The following KLHL35 variants were observed in gnomAD, a reference collection of about 807,000 sequenced individuals.
KLHL35 encodes the protein kelch-like protein 35.
KLHL35 carries 50 observed loss-of-function variants against 44.0 expected under a neutral mutation model. The ratio of observed to expected loss-of-function variants is 1.14; its 90% CI spans 0.91 to 1.44. The LOEUF (loss-of-function observed/expected upper bound fraction) is 1.44. KLHL35 is among the 40% of genes most tolerant of loss of function. The probability of loss-of-function intolerance (pLI) is 0.00; values close to 1 mark genes in which losing one functional copy is unlikely to be tolerated. For synonymous variants in KLHL35, 470 were observed against 410.4 expected (o/e 1.15, Z -1.76); for missense variants, 1,049 against 887.8 (o/e 1.18, Z -2.31).
Position 75,430,615 on chromosome 11 carries a change from A to G in KLHL35, c.15T>C (p.His5=). 4.3e-6 allele frequency: 6 copies of G among 1,397,974 alleles called. No individual in the cohort carries two copies. Among genetic ancestry groups the G allele is most frequent in the Non-Finnish European group, 5.6e-6 (6 of 1,080,400 alleles). 86.6% of individuals were successfully genotyped at this position (1,397,974 alleles called of 1,614,324 possible). The change falls in exon 2 of 7, where the codon CAT becomes CAC. Residue 5 remains histidine, a synonymous_variant. Coordinates refer to ENST00000539798, the MANE Select transcript of KLHL35 (RefSeq NM_001039548.3). Reference sequence around the variant, plus strand: ...AGCCCGGCTCCGACTCCTCCGGCGCATGGCCTTGCCGCATCCTGCCGGGGA... The same window carrying G: ...AGCCCGGCTCCGACTCCTCCGGCGCGTGGCCTTGCCGCATCCTGCCGGGGA... MRQG[H]APEESEPGCE...
At chr11:75,422,802 C>G in intron 6 of KLHL35, 34 bp from the exon 7 acceptor site, 1 of 1,595,376 alleles carries the variant, frequency 6.3e-7, no homozygotes, top group Non-Finnish European at 8.6e-7. Flanking sequence ...ACTATCAGGT[C>G]CAGCCTGGGG....
Position 75,430,631 on chromosome 11 carries a change from C to T in KLHL35, c.-1-1G>A. 7.3e-7 allele frequency: 1 copy of T among 1,378,838 alleles called. No individual in the cohort carries two copies. Among genetic ancestry groups the T allele is most frequent in the South Asian group, 1.6e-5 (1 of 62,808 alleles). 85.4% of individuals were successfully genotyped at this position (1,378,838 alleles called of 1,614,324 possible). ...CTCCGGCGCATGGCCTTGCCGCATC[C>T]TGCCGGGGAGAGAACACAAACAGCG... On this transcript the variant is annotated splice_acceptor_variant, in intron 1 of 6. Transcript: ENST00000539798. LOFTEE classifies it low-confidence loss of function (5UTR_SPLICE).
chr11:75,425,957 C>CA, intron 4 of KLHL35: 1 of 153,424 alleles, frequency 6.5e-6, no homozygotes, highest in African/African-American at 2.5e-5. Flanking sequence ...AGATAATTGA[C>CA]TTTTTTTTTT....
chr11:75,425,365 C>T, intron 5 of KLHL35, 28 bp downstream of exon 5: 1 of 1,511,030 alleles, frequency 6.6e-7, no homozygotes, highest in African/African-American at 1.4e-5. Context: ...GCCTTCAACG[C>T]CCTCTCGCGC....
rs761444824 is a variant in KLHL35, at chr11:75,430,626, G to A, written c.4C>T (p.Arg2Trp). 2.2e-6 allele frequency: 3 copies of A among 1,382,424 alleles called. No individual in the cohort carries two copies. Among genetic ancestry groups the A allele is most frequent in the South Asian group, 3.2e-5 (2 of 63,202 alleles). 85.6% of individuals were successfully genotyped at this position (1,382,424 alleles called of 1,614,324 possible). A position where few individuals can be genotyped will look rare whatever the true frequency, so the allele number is the denominator to read the frequency against. Residue 2 changes from arginine to tryptophan, a missense_variant, in exon 2 of 7, where the codon CGG becomes TGG. Coordinates refer to ENST00000539798, the MANE Select transcript of KLHL35 (RefSeq NM_001039548.3). Reference sequence around the variant, plus strand: ...GACTCCTCCGGCGCATGGCCTTGCCGCATCCTGCCGGGGAGAGAACACAAA... The same window carrying A: ...GACTCCTCCGGCGCATGGCCTTGCCACATCCTGCCGGGGAGAGAACACAAA... M[R>W]QGHAPEESEP...
At chr11:75,422,835 A>G in intron 6 of KLHL35, 67 bp from the exon 7 acceptor site, 1 of 1,455,546 alleles carries the variant, frequency 6.9e-7, no homozygotes, top group Non-Finnish European at 9.5e-7. Flanking sequence ...CTGCCTGGCC[A>G]GGCCAGATAA....
rs1948524825 is a variant in KLHL35, at chr11:75,430,268, T to C, written c.362A>G (p.Asp121Gly). 2.5e-6 allele frequency: 3 copies of C among 1,204,126 alleles called. No individual in the cohort carries two copies. In the African/African-American group the frequency reaches 4.9e-5, roughly 20 times the overall value. The allele number at this position is 1,204,126 out of a possible 1,614,324, so 74.6% of individuals were successfully genotyped here. ...CAGCGCCAGCACGGCCGCCGCCTCG[T>C]CCTCCGCGCGCAGCCGCACGCCCGC... ...YGAGVRLRAE[D>G]EAAAVLALAE... is the part of the protein sequence containing the mutation. Residue 121 changes from aspartate (D) to glycine (G), a missense_variant, in exon 2 of 7, where the codon GAC (aspartate) becomes GGC (glycine). Coordinates refer to ENST00000539798, the MANE Select transcript of KLHL35 (RefSeq NM_001039548.3).
intron 1 of KLHL35, among the ~76,000 whole-genome samples, 154 bp downstream of exon 1, chr11:75,432,889 C>T (rs572067262): frequency 1.2e-4 from 18 of 152,318 alleles, no homozygotes; most frequent in African/African-American, 3.6e-4. Flanking sequence ...GAAGCTGACT[C>T]GAACATGCCA....
At position 75,425,401 on chromosome 11, in the gene KLHL35, T is replaced by G; in HGVS notation, c.1366A>C (p.Thr456Pro). 6.4e-7 allele frequency: 1 copy of G among 1,553,298 alleles called. No homozygotes were observed. Among genetic ancestry groups the G allele is most frequent in the Non-Finnish European group, 8.6e-7 (1 of 1,156,696 alleles). The change falls in exon 5 of 7, where the codon ACG becomes CCG. Residue 456 changes from threonine (T) to proline (P), a missense_variant. By Grantham distance (38) the Thr-to-Pro change is conservative. Coordinates refer to ENST00000539798, the MANE Select transcript of KLHL35 (RefSeq NM_001039548.3). ...IGGARQGGVN[T>P]DKVQCFDPKE... ...CTGAGGCCCACGCCCACCTTGTCCG[T>G]GTTGACGCCGCCCTGCCTGGCGCCC...
rs1378685526 is a variant in KLHL35, at chr11:75,430,486, G to C, written c.144C>G (p.Gly48=). The stretch of plus-strand genomic sequence containing the variant: ...CGCGGTGGCACGGAAAGTCGCGCCC[G>C]CCGGCGCGCAGCACCACGTCGGTGA... The part of the protein sequence containing the change: ...GTLTDVVLRA[G]GRDFPCHRAA... The change falls in exon 2 of 7, where the codon GGC becomes GGG. Residue 48 remains glycine, a synonymous_variant. Coordinates refer to ENST00000539798, the MANE Select transcript of KLHL35 (RefSeq NM_001039548.3). The C allele has an allele frequency of 1.4e-6, 2 of 1,405,996 alleles. No individual in the cohort carries two copies. The highest frequency in any genetic ancestry group is 3.1e-5 in the Admixed American group (1 of 32,348). The allele number at this position is 1,405,996 out of a possible 1,614,324, so 87.1% of individuals were successfully genotyped here.
rs1948520765 is a variant in KLHL35 at position 75,430,001 on chromosome 11, A to G, written c.629T>C (p.Val210Ala). The change falls in exon 2 of 7, where the codon GTG becomes GCG. Residue 210 changes from valine to alanine, a missense_variant. By Grantham distance (64) the Val-to-Ala change is moderately conservative (BLOSUM62 0). Coordinates refer to ENST00000539798, the MANE Select transcript of KLHL35 (RefSeq NM_001039548.3). Reference sequence around the variant, plus strand: ...TTCAAACACGGCCTCCTCGCGCGCCACGCCCAGCGCGGGGTCCGCCAGCAG... The same window carrying G: ...TTCAAACACGGCCTCCTCGCGCGCCGCGCCCAGCGCGGGGTCCGCCAGCAG... ...VALLADPALG[V>A]AREEAVFEAA... 5 of 1,416,112 alleles carry G rather than the reference A, an allele frequency of 3.5e-6. No homozygotes were observed. The highest frequency in any genetic ancestry group is 4.6e-6 in the Non-Finnish European group (5 of 1,089,254). The allele number at this position is 1,416,112 out of a possible 1,614,324, so 87.7% of individuals were successfully genotyped here.
In KLHL35 at chr11:75,422,586, GC is replaced by G; in HGVS notation, c.1745del (p.Gly582AlafsTer37). 6.2e-7 allele frequency: 1 copy of G among 1,611,470 alleles called. No individual in the cohort carries two copies. The highest frequency in any genetic ancestry group is 8.5e-7 in the Non-Finnish European group (1 of 1,178,072). ...HGCVTIIQSLGR is the reference protein window; with the variant it reads ...HGCVTIIQSLXR ...CAGGCTGTCCAAATCTGAATCACCT[GC>G]CCAAGCTCTGGATGATGGTGACACA... On this transcript the variant is annotated frameshift_variant, in exon 7 of 7. Coordinates refer to ENST00000539798, the MANE Select transcript of KLHL35 (RefSeq NM_001039548.3). LOFTEE classifies it high-confidence loss of function.
intron 3 of KLHL35, 139 bp from the exon 4 acceptor site, chr11:75,426,777 A>G: frequency 1.8e-6 from 1 of 564,760 alleles, no homozygotes; most frequent in African/African-American, 1.9e-5. Flanking sequence ...CTGGTGTAAG[A>G]CTCTGGACCT....
chr11:75,430,093 A>T lies in KLHL35; in HGVS notation c.537T>A (p.Arg179=). The change falls in exon 2 of 7, where the codon CGT becomes CGA. Residue 179 remains arginine (R), a synonymous_variant. Transcript: ENST00000539798. The part of the protein sequence containing the change: ...PLAERCGRVL[R]QAFAEVARHA... ...GGCGCGCCACCTCGGCGAAGGCCTG[A>T]CGCAGGACGCGGCCGCAGCGCTCGG... The T allele has an allele frequency of 7.4e-7, 1 of 1,345,392 alleles. No individual in the cohort carries two copies. The highest frequency in any genetic ancestry group is 9.5e-7 in the Non-Finnish European group (1 of 1,051,912). The allele number at this position is 1,345,392 out of a possible 1,614,324, so 83.3% of individuals were successfully genotyped here. A position where few individuals can be genotyped will look rare whatever the true frequency, so the allele number is the denominator to read the frequency against.
chr11:75,426,725 CA>C, intron 3 of KLHL35, 87 bp from the exon 4 acceptor site: 1 of 860,836 alleles, frequency 1.2e-6, no homozygotes, highest in East Asian at 2.7e-5. Context: ...CCCCCAGATC[CA>C]AAGGAAGGGT....
In KLHL35 at chr11:75,426,512, G is replaced by C; in HGVS notation, c.1185+8C>G. The stretch of plus-strand genomic sequence containing the variant: ...TGTCCCAGGGCAGCCGCTGCAGCTC[G>C]TGCCTACCTGCCCCTGCACAACTGC... On this transcript the variant is annotated splice_region_variant and intron_variant, in intron 4 of 6. Coordinates refer to ENST00000539798, the MANE Select transcript of KLHL35 (RefSeq NM_001039548.3). 4 of 1,568,256 alleles carry C rather than the reference G, an allele frequency of 2.6e-6. No homozygotes were observed. Among genetic ancestry groups the C allele is most frequent in the Non-Finnish European group, 2.6e-6 (3 of 1,154,044 alleles).
At chr11:75,427,078 C>T (rs141189019) in intron 3 of KLHL35, among the ~76,000 whole-genome samples, 1 of 152,312 alleles carries the variant, frequency 6.6e-6, no homozygotes, top group East Asian at 1.9e-4. Flanking sequence ...ATAACCCTCC[C>T]TCCCTTCTGC....
At chr11:75,426,425 C>T (rs1198637366) in intron 4 of KLHL35, 95 bp downstream of exon 4, 1 of 792,216 alleles carries the variant, frequency 1.3e-6, no homozygotes, top group Non-Finnish European at 2.0e-6. Flanking sequence ...CTTCAGACCC[C>T]TTCTTACAAA....
In KLHL35 at chr11:75,430,097, A is replaced by T; in HGVS notation, c.533T>A (p.Leu178Gln). The change falls in exon 2 of 7, where the codon CTG becomes CAG. Residue 178 changes from leucine (L) to glutamine (Q), a missense_variant. By Grantham distance (113) the Leu-to-Gln change is moderately radical. Coordinates refer to ENST00000539798, the MANE Select transcript of KLHL35 (RefSeq NM_001039548.3). ...APLAERCGRV[L>Q]RQAFAEVARH... The stretch of plus-strand genomic sequence containing the variant: ...CGCCACCTCGGCGAAGGCCTGACGC[A>T]GGACGCGGCCGCAGCGCTCGGCCAG... 2 of 1,333,474 alleles carry T rather than the reference A, an allele frequency of 1.5e-6. No homozygotes were observed. The highest frequency in any genetic ancestry group is 1.9e-6 in the Non-Finnish European group (2 of 1,045,960). The allele number at this position is 1,333,474 out of a possible 1,614,324, so 82.6% of individuals were successfully genotyped here. A position where few individuals can be genotyped will look rare whatever the true frequency, so the allele number is the denominator to read the frequency against.
Sources: gnomAD v4.1 joint callset for allele counts (sites outside exome capture counted in the v4.1 genomes callset) on GRCh38, gnomAD v4.1.1 for gene constraint, MANE v1.5 for transcripts, NCBI Gene and HGNC (gene_info 2026-07-23, HGNC 2026-07-21) for gene names.